The following POT1 variants were observed in gnomAD, a reference collection of about 807,000 sequenced individuals.
POT1 encodes the protein protection of telomeres 1, also known as protection of telomeres protein 1.
A neutral mutation model predicts 78.5 loss-of-function variants in POT1; 47 were observed. That is an observed-to-expected ratio of 0.60 (90% CI 0.47 to 0.76). The LOEUF is 0.76. Ranked by LOEUF, POT1 falls within the 30% of genes least tolerant of loss-of-function variation. POT1 has a pLI of 0.00. For synonymous variants in POT1, 259 were observed against 260.7 expected, an observed-to-expected ratio of 0.99 and a Z score of 0.06; for missense variants, 646 against 749.9, an observed-to-expected ratio of 0.86 and a Z score of 1.62.
chr7:124,907,681 T>C (rs377643839), intron 3 of POT1, among the ~76,000 whole-genome samples: 8 of 152,122 alleles, frequency 5.3e-5, no homozygotes, highest in Admixed American at 2.6e-4. Context: ...AATGATGTCA[T>C]TGCAGGTTCA....
intron 15 of POT1, among the ~76,000 whole-genome samples, chr7:124,830,366 A>G (rs1794730769): frequency 6.6e-6 from 1 of 152,192 alleles, no homozygotes; most frequent in African/African-American, 2.4e-5. Flanking sequence ...CGAAAGGTCC[A>G]TGCAATTTGT....
chr7:124,842,748 T>C (rs1795058184), intron 13 of POT1, 59 bp downstream of exon 13: 14 of 1,377,298 alleles, frequency 1.0e-5, no homozygotes, highest in South Asian at 1.4e-5. Flanking sequence ...ATTATACATA[T>C]GTGTACATAT....
chr7:124,923,771 A>G (rs1797208133), intron 2 of POT1, among the ~76,000 whole-genome samples: 1 of 151,730 alleles, frequency 6.6e-6, no homozygotes, highest in Admixed American at 6.6e-5. Context: ...AAAATCTTAA[A>G]ATTACCAAGA....
Position 124,822,922 on chromosome 7 carries a change from T to A in POT1, c.*1040A>T, listed in dbSNP as rs1794540142. Reference sequence around the variant, plus strand: ...TCTATTTCCAATGTTATTTCAGATGTTTAAGTCAAAGACTCGTTGCAGAAA... The same window carrying A: ...TCTATTTCCAATGTTATTTCAGATGATTAAGTCAAAGACTCGTTGCAGAAA... On this transcript the variant is annotated 3_prime_UTR_variant, in exon 19 of 19. Coordinates refer to ENST00000357628, the MANE Select transcript of POT1 (RefSeq NM_015450.3). 5.8e-6 allele frequency: 1 copy of A among 171,740 alleles called. No homozygotes were observed. Among genetic ancestry groups the A allele is most frequent in the African/African-American group, 2.4e-5 (1 of 42,286 alleles). 10.6% of individuals were successfully genotyped at this position (171,740 alleles called of 1,614,324 possible).
intron 3 of POT1, among the ~76,000 whole-genome samples, chr7:124,901,079 T>C (rs1796607829): frequency 1.3e-5 from 2 of 152,148 alleles, no homozygotes; most frequent in Admixed American, 6.5e-5. Flanking sequence ...GGGCAGGGCA[T>C]AGCTGAAGAA....
intron 3 of POT1, among the ~76,000 whole-genome samples, chr7:124,901,892 T>C (rs1004522149): frequency 6.6e-6 from 1 of 152,064 alleles, no homozygotes; most frequent in African/African-American, 2.4e-5. Context: ...CAAGCTTCAG[T>C]AGTTGATTGG....
At chr7:124,905,879 A>G (rs1238745609) in intron 3 of POT1, among the ~76,000 whole-genome samples, 2 of 152,244 alleles carry the variant, frequency 1.3e-5, no homozygotes, top group Admixed American at 6.5e-5. Context: ...CAACAGACAC[A>G]TGAAGAAATG....
At chr7:124,856,709 G>A (rs1795455350) in intron 9 of POT1, among the ~76,000 whole-genome samples, 1 of 152,016 alleles carries the variant, frequency 6.6e-6, no homozygotes, top group South Asian at 2.1e-4. Context: ...GGAAAGAGAA[G>A]GGAATAAAAT....
At chr7:124,826,763 G>A (rs1794639253) in intron 17 of POT1, among the ~76,000 whole-genome samples, 1 of 152,116 alleles carries the variant, frequency 6.6e-6, no homozygotes, top group Non-Finnish European at 1.5e-5. Context: ...CCAGCTACTT[G>A]GGAGGCTGAG....
intron 2 of POT1, among the ~76,000 whole-genome samples, chr7:124,916,010 ATAAAGATTT>A (rs1330923678): frequency 6.6e-6 from 1 of 152,162 alleles, no homozygotes. Flanking sequence ...TGAAAACTTA[ATAAAGATTT>A]AGAAATGCAA....
chr7:124,901,026 C>T (rs1296862296), intron 3 of POT1, among the ~76,000 whole-genome samples: 2 of 152,156 alleles, frequency 1.3e-5, no homozygotes, highest in East Asian at 1.9e-4. Context: ...GAGCCCACTG[C>T]AGCTCAAGGA....
intron 12 of POT1, among the ~76,000 whole-genome samples, chr7:124,846,622 A>G (rs1795174372): frequency 6.7e-6 from 1 of 148,922 alleles, no homozygotes; most frequent in African/African-American, 2.5e-5. Context: ...TACATTGCAC[A>G]TTTTAAGTCA....
intron 3 of POT1, among the ~76,000 whole-genome samples, chr7:124,898,716 A>G (rs1269354041): frequency 6.6e-6 from 1 of 152,114 alleles, no homozygotes; most frequent in Non-Finnish European, 1.5e-5. Flanking sequence ...ACTAAATCTC[A>G]AAGTTGAGAA....
At chr7:124,851,290 A>T (rs1215494703) in intron 11 of POT1, among the ~76,000 whole-genome samples, 2 of 152,090 alleles carry the variant, frequency 1.3e-5, no homozygotes, top group African/African-American at 4.8e-5. Flanking sequence ...TCGCCAGAGC[A>T]AGACACTGTC....
At chr7:124,838,220 A>T (rs377320402) in intron 14 of POT1, among the ~76,000 whole-genome samples, 3 of 152,276 alleles carry the variant, frequency 2.0e-5, no homozygotes. Context: ...AACAAAAGGT[A>T]TACATATTAG....
intron 14 of POT1, among the ~76,000 whole-genome samples, chr7:124,840,147 T>TATACTGACACA (rs1334922967): frequency 6.6e-6 from 1 of 152,052 alleles, no homozygotes; most frequent in Non-Finnish European, 1.5e-5. Context: ...AAAATGAACC[T>TATACTGACACA]ATACTGACAC....
intron 3 of POT1, among the ~76,000 whole-genome samples, chr7:124,907,537 C>T (rs111606147): frequency 0.015 from 2,215 of 152,108 alleles, 59 homozygotes; most frequent in African/African-American, 0.048. Context: ...AGAGCACAGA[C>T]GATTTTTAGG....
intron 11 of POT1, among the ~76,000 whole-genome samples, chr7:124,850,092 T>A (rs1795267110): frequency 1.3e-5 from 2 of 152,120 alleles, no homozygotes; most frequent in Admixed American, 1.3e-4. Context: ...TTAAAAAGTA[T>A]AAAGTATAAT....
chr7:124,863,693 T>G, intron 7 of POT1, 53 bp from the exon 8 acceptor site: 1 of 1,352,948 alleles, frequency 7.4e-7, no homozygotes. Context: ...AGCTTACTGA[T>G]GCACAACCTA....
Sources: allele counts gnomAD v4.1 joint callset (sites outside exome capture counted in the v4.1 genomes callset), GRCh38; gene constraint gnomAD v4.1.1; transcripts MANE v1.5; gene names NCBI Gene and HGNC (gene_info 2026-07-23, HGNC 2026-07-21).